Variants in RARG observed in about 807,000 individuals in gnomAD.
The protein encoded by RARG is retinoic acid receptor gamma.
RARG carries 17 observed loss-of-function variants against 43.7 expected under a neutral mutation model. The observed-to-expected ratio is 0.39, with a 90% CI of 0.27 to 0.58. The LOEUF is 0.58. Ranked by LOEUF, RARG falls within the 20% of genes least tolerant of loss-of-function variation. RARG has a pLI of 0.57. For missense variants in RARG, 346 were observed against 598.7 expected, an observed-to-expected ratio of 0.58 and a Z score of 4.40; for synonymous variants, 238 against 236.4, an observed-to-expected ratio of 1.01 and a Z score of -0.06.
intron 3 of RARG, among the ~76,000 whole-genome samples, chr12:53,219,776 C>G (rs1275856946): frequency 6.6e-6 from 1 of 152,368 alleles, no homozygotes; most frequent in South Asian, 2.1e-4. Flanking sequence ...ACTCCAAACA[C>G]TACTGCACAC....
rs61199415 is a variant in RARG, at chr12:53,216,841, T to TGCGC, written c.185-1051_185-1048dup. 3.4e-3 allele frequency among the ~76,000 whole-genome samples: 441 copies of TGCGC among 129,402 alleles called. 5 individuals carry two copies. Among genetic ancestry groups the TGCGC allele is most frequent in the Admixed American group, 5.7e-3 (78 of 13,628 alleles). The allele number at this position is 129,402 out of a possible 152,430, so 84.9% of individuals were successfully genotyped here. ...GGGTAAGTGTGTGTGTGTGTGTGTG[T>TGCGC]GCGCGCGCGCGCGCGCGCGCGTGTG... On this transcript the variant is annotated intron_variant, in intron 3 of 9. Transcript: ENST00000425354.
chr12:53,224,123 A>G (rs1943053522), intron 3 of RARG, among the ~76,000 whole-genome samples: 1 of 152,102 alleles, frequency 6.6e-6, no homozygotes, highest in Non-Finnish European at 1.5e-5. Flanking sequence ...ACGCACGCAC[A>G]CACACGTACA....
Position 53,213,537 on chromosome 12 carries a change from G to T in RARG, c.977C>A (p.Thr326Asn). 6.2e-7 allele frequency: 1 copy of T among 1,614,050 alleles called. No individual in the cohort carries two copies. The highest frequency in any genetic ancestry group is 1.1e-5 in the South Asian group (1 of 91,076). ...GATGGCGCTGAGCAGCCCTGTCTCG[G>T]TGTCATCCATCTCCAGGGGCAGGAG... ...GQLLPLEMDD[T>N]ETGLLSAICL... The change falls in exon 8 of 10, where the codon ACC becomes AAC. Residue 326 changes from threonine to asparagine, a missense_variant. Coordinates refer to ENST00000425354, the MANE Select transcript of RARG (RefSeq NM_000966.6). This position sits in a 1 kb window ranked among gnomAD's most constrained non-coding sequence, Gnocchi z 4.7.
rs528717101 is a variant in RARG at position 53,230,350 on chromosome 12, T to C, written c.-143+819A>G. On this transcript the variant is annotated intron_variant, in intron 2 of 9. Transcript: ENST00000425354. ...GCTGCCGGATGGAGGGGGGTGTGTT[T>C]CCCTGTCGCCCTGCCCGCTCCAGAG... Among the ~76,000 whole-genome samples, 310 of 151,970 alleles carry C rather than the reference T, an allele frequency of 2.0e-3. 8 individuals are homozygous for C. Among genetic ancestry groups the C allele is most frequent in the Admixed American group, 3.2e-3 (49 of 15,262 alleles).
Position 53,211,730 on chromosome 12 carries a change from G to T in RARG, c.1311C>A (p.Ser437Arg). The change falls in exon 10 of 10, where the codon AGC becomes AGA. Residue 437 changes from serine (S) to arginine (R), a missense_variant. Ser to Arg is a moderately radical substitution (Grantham distance 110). Transcript: ENST00000425354. This position sits in a 1 kb window ranked among gnomAD's most constrained non-coding sequence, Gnocchi z 4.6. ...SQPGPHPNAS[S>R]EDEVPGGQGK... ...CCTGGCCCCCAGGAACCTCATCCTCGCTAGAGGCATTGGGGTGGGGACCAG... is the reference window on the plus strand; with the variant it reads ...CCTGGCCCCCAGGAACCTCATCCTCTCTAGAGGCATTGGGGTGGGGACCAG... 3 of 1,566,808 alleles carry T rather than the reference G, an allele frequency of 1.9e-6. No individual in the cohort carries two copies. In the South Asian group the frequency reaches 3.5e-5, roughly 18 times the overall value.
Position 53,227,738 on chromosome 12 carries a change from T to C in RARG, c.-142-51A>G. 1 of 1,180,300 alleles carries C rather than the reference T, an allele frequency of 8.5e-7. No individual in the cohort carries two copies. Among genetic ancestry groups the C allele is most frequent in the Non-Finnish European group, 1.1e-6 (1 of 918,340 alleles). 73.1% of individuals were successfully genotyped at this position (1,180,300 alleles called of 1,614,324 possible). On this transcript the variant is annotated intron_variant, in intron 2 of 9. Transcript: ENST00000425354. This position sits in a 1 kb window ranked among gnomAD's most constrained non-coding sequence, Gnocchi z 4.3. Reference sequence around the variant, plus strand: ...AGATGAGAGAATGACCACTCTGAGGTTCCAAGCCCTGTGACCCTCTCTCAG... The same window carrying C: ...AGATGAGAGAATGACCACTCTGAGGCTCCAAGCCCTGTGACCCTCTCTCAG...
In RARG at chr12:53,213,007, C is replaced by A. The variant is rs1291175134; in HGVS notation, c.1177+78G>T. On this transcript the variant is annotated intron_variant, in intron 9 of 9. Transcript: ENST00000425354. The surrounding 1 kb of genome is among the most constrained non-coding windows in gnomAD (Gnocchi z 4.7). Reference sequence around the variant, plus strand: ...TGGTTCTCAACTACTCTGTTCTTGTCTCTGTGTGTCCTCCTGTCCGACCTG... The same window carrying A: ...TGGTTCTCAACTACTCTGTTCTTGTATCTGTGTGTCCTCCTGTCCGACCTG... The A allele has an allele frequency of 1.4e-6, 2 of 1,467,730 alleles. No homozygotes were observed. The highest frequency in any genetic ancestry group is 1.4e-5 in the African/African-American group (1 of 70,728). 90.9% of individuals were successfully genotyped at this position (1,467,730 alleles called of 1,614,324 possible).
At chr12:53,217,754 G>A (rs1942819057) in intron 3 of RARG, among the ~76,000 whole-genome samples, 1 of 152,204 alleles carries the variant, frequency 6.6e-6, no homozygotes, top group African/African-American at 2.4e-5. Flanking sequence ...GGGGAGGATG[G>A]GGGTGGGCTC....
intron 3 of RARG, among the ~76,000 whole-genome samples, chr12:53,222,058 T>G (rs1337403292): frequency 1.3e-5 from 2 of 151,596 alleles, no homozygotes; most frequent in Non-Finnish European, 2.9e-5. Context: ...GCCTGACTTG[T>G]GGATGGCGAG....
rs772316902 is a variant in RARG, at chr12:53,215,755, G to C, written c.224C>G (p.Pro75Arg). ...TQSTSSEEMV[P>R]SSPSPPPPPR... ...AGGCGGAGGGGGCGAGGGCGAGCTG[G>C]GCACCATCTCCTCTGAGCTGGTGCT... Residue 75 changes from proline (P) to arginine (R), a missense_variant, in exon 4 of 10, where the codon CCC becomes CGC. By Grantham distance (103) the Pro-to-Arg change is moderately radical. Around this residue, in one of 8 missense-constraint regions of RARG, gnomAD observed 50 missense variants for 117.7 expected, o/e 0.42. Transcript: ENST00000425354. This position sits in a 1 kb window ranked among gnomAD's most constrained non-coding sequence, Gnocchi z 6.4. 1 of 1,612,872 alleles carries C rather than the reference G, an allele frequency of 6.2e-7. No individual in the cohort carries two copies. Among genetic ancestry groups the C allele is most frequent in the Non-Finnish European group, 8.5e-7 (1 of 1,179,684 alleles).
intron 3 of RARG, among the ~76,000 whole-genome samples, chr12:53,221,370 C>T (rs968086163): frequency 6.6e-6 from 1 of 152,282 alleles, no homozygotes; most frequent in East Asian, 1.9e-4. Context: ...CTGTGCCTGC[C>T]GTGCCAACTG....
At chr12:53,218,793 C>G (rs1355015460) in intron 3 of RARG, among the ~76,000 whole-genome samples, 1 of 152,006 alleles carries the variant, frequency 6.6e-6, no homozygotes, top group African/African-American at 2.4e-5. Flanking sequence ...GCGCCCGCCG[C>G]CCCGCCCGCT....
chr12:53,230,883 ATGTC>A (rs1565733233), intron 2 of RARG, among the ~76,000 whole-genome samples: 4 of 94,624 alleles, frequency 4.2e-5, no homozygotes, highest in African/African-American at 1.1e-4. Flanking sequence ...GTGTGTGTGT[ATGTC>A]TGTCTATATG....
Position 53,227,238 on chromosome 12 carries a change from C to T in RARG, c.184+124G>A. ...CACCCTCCATTATTCACTACTACTC[C>T]ATTAGGCCAAACCCCTGTCCCCTGC... On this transcript the variant is annotated intron_variant, in intron 3 of 9. Transcript: ENST00000425354. The surrounding 1 kb of genome is among the most constrained non-coding windows in gnomAD (Gnocchi z 4.3). The T allele has an allele frequency of 3.8e-6, 4 of 1,042,916 alleles. No homozygotes were observed. The highest frequency in any genetic ancestry group is 5.4e-6 in the Non-Finnish European group (4 of 736,232). The allele number at this position is 1,042,916 out of a possible 1,614,324, so 64.6% of individuals were successfully genotyped here.
Position 53,213,267 on chromosome 12 carries a change from TGA to T in RARG, c.1019-26_1019-25del. The T allele has an allele frequency of 6.5e-7, 1 of 1,539,034 alleles. No homozygotes were observed. The highest frequency in any genetic ancestry group is 8.9e-7 in the Non-Finnish European group (1 of 1,117,574). ...GTCTATGGGGACAAGTATACTGGAG[TGA>T]GAGGGGAAGGAAGAGATGGGGAAGA... is the stretch of plus-strand genomic sequence containing the variant. On this transcript the variant is annotated intron_variant, in intron 8 of 9. Transcript: ENST00000425354. This position sits in a 1 kb window ranked among gnomAD's most constrained non-coding sequence, Gnocchi z 4.7.
At chr12:53,219,066 C>T (rs1592436667) in intron 3 of RARG, among the ~76,000 whole-genome samples, 2 of 152,266 alleles carry the variant, frequency 1.3e-5, no homozygotes, top group East Asian at 3.9e-4. Flanking sequence ...GGCCCCAGGC[C>T]TGGCATCTCC....
In RARG at chr12:53,227,780, C is replaced by T; in HGVS notation, c.-142-93G>A. On this transcript the variant is annotated intron_variant, in intron 2 of 9. Transcript: ENST00000425354. This position sits in a 1 kb window ranked among gnomAD's most constrained non-coding sequence, Gnocchi z 4.3. ...CTCTCTCAGTTGCAGTCTTCTCCCTCTGTGCTGCTACAGTTTATCCTGCCC... is the reference window on the plus strand; with the variant it reads ...CTCTCTCAGTTGCAGTCTTCTCCCTTTGTGCTGCTACAGTTTATCCTGCCC... 1.0e-6 allele frequency: 1 copy of T among 955,812 alleles called. No homozygotes were observed. Among genetic ancestry groups the T allele is most frequent in the Middle Eastern group, 3.5e-4 (1 of 2,822 alleles). The allele number at this position is 955,812 out of a possible 1,614,324, so 59.2% of individuals were successfully genotyped here.
In RARG at chr12:53,215,781, C is replaced by G; in HGVS notation, c.198G>C (p.Gln66His). The G allele has an allele frequency of 6.2e-7, 1 of 1,608,026 alleles. No homozygotes were observed. Among genetic ancestry groups the G allele is most frequent in the Non-Finnish European group, 8.5e-7 (1 of 1,176,938 alleles). The change falls in exon 4 of 10, where the codon CAG becomes CAC. Residue 66 changes from glutamine to histidine, a missense_variant. By Grantham distance (24) the Gln-to-His change is conservative (BLOSUM62 0). Coordinates refer to ENST00000425354, the MANE Select transcript of RARG (RefSeq NM_000966.6). The surrounding 1 kb of genome is among the most constrained non-coding windows in gnomAD (Gnocchi z 6.4). Reference sequence around the variant, plus strand: ...GCACCATCTCCTCTGAGCTGGTGCTCTGTGTCTCCACCGCTGGGAGGGAAG... The same window carrying G: ...GCACCATCTCCTCTGAGCTGGTGCTGTGTGTCTCCACCGCTGGGAGGGAAG... ...KEMASLSVET[Q>H]STSSEEMVPS...
intron 3 of RARG, among the ~76,000 whole-genome samples, chr12:53,218,238 C>G (rs7305456): frequency 0.013 from 1,972 of 152,266 alleles, 57 homozygotes; most frequent in African/African-American, 0.044. Flanking sequence ...CCCCCAAGCA[C>G]CCTTCCCTCT....
Sources: gnomAD v4.1 joint callset for allele counts (sites outside exome capture counted in the v4.1 genomes callset) on GRCh38, gnomAD v4.1.1 for gene constraint, gnomAD v4.1.1 regional missense constraint, Gnocchi (gnomAD v3.1) non-coding constraint, MANE v1.5 for transcripts, NCBI Gene and HGNC (gene_info 2026-07-23, HGNC 2026-07-21) for gene names.